The following ENTPD6 variants were observed in gnomAD, a reference collection of about 807,000 sequenced individuals.
ENTPD6 encodes the protein CD39 antigen-like 2.
ENTPD6 carries 46 observed loss-of-function variants against 61.5 expected under a neutral mutation model. The observed-to-expected ratio is 0.75, with a 90% CI of 0.59 to 0.96. ENTPD6 has a LOEUF of 0.96. Among genes scored for constraint, ENTPD6 ranks in the 40% least tolerant of loss-of-function variants. ENTPD6 has a pLI of 0.00. For synonymous variants in ENTPD6, 252 were observed against 255.5 expected, an observed-to-expected ratio of 0.99 and a Z score of 0.13; for missense variants, 612 against 629.0, an observed-to-expected ratio of 0.97 and a Z score of 0.29.
At chr20:25,201,211 G>A (rs2091004143) in intron 1 of ENTPD6, among the ~76,000 whole-genome samples, 1 of 152,156 alleles carries the variant, frequency 6.6e-6, no homozygotes, top group Non-Finnish European at 1.5e-5. Flanking sequence ...AATGCATTAA[G>A]GCCTGTTTTG....
At chr20:25,223,200 T>G (rs1373111418) in intron 12 of ENTPD6, among the ~76,000 whole-genome samples, 1 of 152,112 alleles carries the variant, frequency 6.6e-6, no homozygotes, top group African/African-American at 2.4e-5. Flanking sequence ...TGACTTGCTG[T>G]TGATTCCAGT....
rs374248579 is a variant in ENTPD6, at chr20:25,218,302, G to A, written c.879-248G>A. Among the ~76,000 whole-genome samples the A allele has an allele frequency of 7.9e-4, 121 of 152,274 alleles. 1 individual carries two copies. The highest frequency in any genetic ancestry group is 2.7e-3 in the African/African-American group (112 of 41,568). On this transcript the variant is annotated intron_variant, in intron 9 of 14. Transcript: ENST00000376652. ...GAGCATCCCAGACTGGTGTCGAGTC[G>A]GTCCCACTCACCACAGTGTCTGCAG... is the stretch of plus-strand genomic sequence containing the variant.
intron 7 of ENTPD6, 70 bp downstream of exon 7, chr20:25,215,781 G>C (rs534328527): frequency 6.8e-7 from 1 of 1,460,824 alleles, no homozygotes; most frequent in Non-Finnish European, 9.6e-7. Context: ...TGGGCCTTTC[G>C]AGAGCAGGAG....
Sources: gnomAD v4.1 joint callset for allele counts (sites outside exome capture counted in the v4.1 genomes callset) on GRCh38, gnomAD v4.1.1 for gene constraint, MANE v1.5 for transcripts, NCBI Gene and HGNC (gene_info 2026-07-23, HGNC 2026-07-21) for gene names.